The following PRICKLE4 variants were observed in gnomAD, a reference collection of about 807,000 sequenced individuals.
PRICKLE4 encodes prickle-like protein 4.
In PRICKLE4, 40 loss-of-function variants were observed where a neutral mutation model predicts 43.5. The ratio of observed to expected loss-of-function variants is 0.92; its 90% CI spans 0.71 to 1.20. The LOEUF is 1.20. PRICKLE4 is among the 50% of genes most tolerant of loss of function. The probability of loss-of-function intolerance (pLI) is 0.00; values close to 1 mark genes in which losing one functional copy is unlikely to be tolerated. For missense variants in PRICKLE4, 527 were observed against 491.2 expected (o/e 1.07, Z -0.69); for synonymous variants, 208 against 197.4 (o/e 1.05, Z -0.45).
intron 2 of PRICKLE4, among the ~76,000 whole-genome samples, chr6:41,782,881 C>T (rs1424377250): frequency 6.6e-6 from 1 of 152,162 alleles, no homozygotes; most frequent in Non-Finnish European, 1.5e-5. Context: ...AAGAGAAAAA[C>T]ATTAGGTGCT....
In PRICKLE4 at chr6:41,786,985, C is replaced by T; in HGVS notation, c.1011C>T (p.Thr337=). The T allele has an allele frequency of 6.2e-7, 1 of 1,614,042 alleles. No individual in the cohort carries two copies. Among genetic ancestry groups the T allele is most frequent in the Non-Finnish European group, 8.5e-7 (1 of 1,180,004 alleles). The change falls in exon 8 of 8, where the codon ACC becomes ACT. Residue 337 remains threonine, a synonymous_variant. Transcript: ENST00000458694. ...AGACTATTCGTGATCCCAAGGACAC[C>T]CCTTTCTCCACCTGCTCCTCCTCCT... ...RLETIRDPKD[T]PFSTCSSSSD...
At chr6:41,786,678 A>G (rs761873654) in intron 7 of PRICKLE4, 84 bp from the exon 8 acceptor site, 1 of 1,589,520 alleles carries the variant, frequency 6.3e-7, no homozygotes, top group Non-Finnish European at 8.5e-7. Flanking sequence ...GCGGGGCGGG[A>G]GGCTGGGCCT....
rs1344368679 is a variant in PRICKLE4, at chr6:41,786,999, GCTC to G, written c.1035_1037del (p.Ser346del). The G allele has an allele frequency of 1.9e-6, 3 of 1,614,074 alleles. No homozygotes were observed. The highest frequency in any genetic ancestry group is 1.7e-6 in the Non-Finnish European group (2 of 1,180,024). ...CCCAAGGACACCCCTTTCTCCACCT[GCTC>G]CTCCTCCTCTGACTCGGAACCTGAA... On this transcript the variant is annotated inframe_deletion, in exon 8 of 8. Transcript: ENST00000458694.
At position 41,787,359 on chromosome 6, in the gene PRICKLE4, C is replaced by G; in HGVS notation, c.*230C>G. 1.5e-6 allele frequency: 1 copy of G among 671,510 alleles called. No homozygotes were observed. The highest frequency in any genetic ancestry group is 2.8e-5 in the East Asian group (1 of 35,142). The allele number at this position is 671,510 out of a possible 1,614,324, so 41.6% of individuals were successfully genotyped here. A position where few individuals can be genotyped will look rare whatever the true frequency, so the allele number is the denominator to read the frequency against. ...ATTCCCCAAAGCTACGCTTCCCCTGCTGAGATAGCCCCTACCCCCACCTCC... is the reference window on the plus strand; with the variant it reads ...ATTCCCCAAAGCTACGCTTCCCCTGGTGAGATAGCCCCTACCCCCACCTCC... On this transcript the variant is annotated 3_prime_UTR_variant, in exon 8 of 8. Coordinates refer to ENST00000458694, the MANE Select transcript of PRICKLE4 (RefSeq NM_013397.6).
chr6:41,786,197 G>A lies in PRICKLE4; in HGVS notation c.652G>A (p.Asp218Asn). Residue 218 changes from aspartate to asparagine, a missense_variant, in exon 7 of 8, where the codon GAC becomes AAC. Transcript: ENST00000458694. Reference protein sequence around the residue: ...RWHENHFCCQDCAGPLGGGRY... With the variant: ...RWHENHFCCQNCAGPLGGGRY... ...GCATGAGAACCACTTCTGTTGCCAG[G>A]ACTGCGCCGGGCCTCTGGGCGGGGG... The A allele has an allele frequency of 6.2e-7, 1 of 1,611,322 alleles. No individual in the cohort carries two copies. Among genetic ancestry groups the A allele is most frequent in the Non-Finnish European group, 8.5e-7 (1 of 1,178,124 alleles).
intron 3 of PRICKLE4, 64 bp from the exon 4 acceptor site, chr6:41,784,067 G>A (rs1581977905): frequency 8.0e-7 from 1 of 1,248,458 alleles, no homozygotes; most frequent in Non-Finnish European, 1.1e-6. Context: ...ATGATGAGGG[G>A]GAAAGAAGGA....
intron 4 of PRICKLE4, 49 bp downstream of exon 4, chr6:41,784,287 C>T: frequency 7.1e-7 from 1 of 1,412,768 alleles, no homozygotes; most frequent in Non-Finnish European, 9.8e-7. Context: ...CCTCCCTCAT[C>T]TCTTTTCTTA....
At chr6:41,783,872 T>TTAAGAAGGGAAAGCA (rs1344215702) in intron 3 of PRICKLE4, 3 of 736,780 alleles carry the variant, frequency 4.1e-6, no homozygotes, top group Non-Finnish European at 7.3e-6. Context: ...GTGAAGGGGG[T>TTAAGAAGGGAAAGCA]TAAGAAGGGA....
intron 5 of PRICKLE4, 49 bp from the exon 6 acceptor site, chr6:41,785,288 T>C: frequency 6.3e-7 from 1 of 1,585,178 alleles, no homozygotes; most frequent in Non-Finnish European, 8.6e-7. Context: ...GGAGGGAAGT[T>C]AGGATGGTAG....
At chr6:41,784,806 T>C in intron 4 of PRICKLE4, 129 bp from the exon 5 acceptor site, 1 of 1,189,100 alleles carries the variant, frequency 8.4e-7, no homozygotes, top group Non-Finnish European at 1.2e-6. Flanking sequence ...TCTATGCCAT[T>C]ATCTCTGGCA....
chr6:41,784,738 T>C, intron 4 of PRICKLE4, 197 bp from the exon 5 acceptor site: 1 of 636,088 alleles, frequency 1.6e-6, no homozygotes, highest in Non-Finnish European at 2.7e-6. Flanking sequence ...ACATTCCTAG[T>C]GGGGCAGGGT....
intron 4 of PRICKLE4, 161 bp from the exon 5 acceptor site, chr6:41,784,774 C>G: frequency 1.1e-6 from 1 of 948,378 alleles, no homozygotes; most frequent in Non-Finnish European, 1.6e-6. Flanking sequence ...TTCTTGAGCT[C>G]CTTTCCTTTT....
Position 41,783,568 on chromosome 6 carries a change from A to T in PRICKLE4, c.95A>T (p.His32Leu), listed in dbSNP as rs759001640. 2.5e-6 allele frequency: 4 copies of T among 1,613,630 alleles called. No individual in the cohort carries two copies. The Admixed American group carries it at 6.7e-5, about 27-fold the overall frequency. ...PPANSDSDSG[H>L]LPGEDPEDTH... ...GCCAACTCAGACAGTGACTCAGGCC[A>T]CCTGCCGGGGGAGGACCCTGAGGAT... The change falls in exon 3 of 8, where the codon CAC becomes CTC. Residue 32 changes from histidine (H) to leucine (L), a missense_variant. His to Leu is a moderately conservative substitution (Grantham distance 99). Coordinates refer to ENST00000458694, the MANE Select transcript of PRICKLE4 (RefSeq NM_013397.6).
intron 3 of PRICKLE4, chr6:41,783,861 C>T (rs552804972): frequency 7.4e-5 from 55 of 745,750 alleles, no homozygotes; most frequent in Non-Finnish European, 7.2e-5. Flanking sequence ...GGCCCCAAGG[C>T]GTGAAGGGGG....
intron 7 of PRICKLE4, 123 bp downstream of exon 7, chr6:41,786,455 AC>A (rs1050949243): frequency 1.0e-5 from 12 of 1,172,506 alleles, no homozygotes; most frequent in Admixed American, 2.0e-5. Context: ...CCCCCACCGC[AC>A]CCCCCAGACC....
chr6:41,784,762 CT>C, intron 4 of PRICKLE4, 172 bp from the exon 5 acceptor site: 2 of 822,120 alleles, frequency 2.4e-6, no homozygotes, highest in Non-Finnish European at 3.8e-6. Context: ...ACTGAGGTGG[CT>C]TTCTTGAGCT....
chr6:41,784,303 G>T, intron 4 of PRICKLE4, 65 bp downstream of exon 4: 3 of 1,317,830 alleles, frequency 2.3e-6, no homozygotes, highest in Non-Finnish European at 3.2e-6. Flanking sequence ...TCTTACTGTG[G>T]GAAGAACCTC....
intron 4 of PRICKLE4, 113 bp downstream of exon 4, chr6:41,784,351 T>C (rs1772605351): frequency 6.0e-6 from 5 of 837,334 alleles, no homozygotes. Context: ...AATGCCCAGC[T>C]ATGGCACTGG....
rs376329041 is a variant in PRICKLE4 at position 41,785,533 on chromosome 6, G to A, written c.575G>A (p.Cys192Tyr). 1.1e-4 allele frequency: 183 copies of A among 1,612,490 alleles called. No individual in the cohort carries two copies. The highest frequency in any genetic ancestry group is 1.5e-4 in the Non-Finnish European group (180 of 1,180,010). ...TTGCTGCGCCCGCGCTGCCCGGCTT[G>A]TGACCAGGTACAGCCTGGAGGGGAG... Reference protein sequence around the residue: ...AELLRPRCPACDQLIFSWRCT... With the variant: ...AELLRPRCPAYDQLIFSWRCT... The change falls in exon 6 of 8, where the codon TGT (cysteine) becomes TAT (tyrosine). Residue 192 changes from cysteine to tyrosine, a missense_variant. Cys to Tyr is a radical substitution (Grantham distance 194). Coordinates refer to ENST00000458694, the MANE Select transcript of PRICKLE4 (RefSeq NM_013397.6).
Sources: allele counts gnomAD v4.1 joint callset (sites outside exome capture counted in the v4.1 genomes callset), GRCh38; gene constraint gnomAD v4.1.1; transcripts MANE v1.5; gene names NCBI Gene and HGNC (gene_info 2026-07-23, HGNC 2026-07-21).